PCDHGA4: variants seen among roughly 807,000 people sequenced by gnomAD.
PCDHGA4 encodes protocadherin gamma-A4.
PCDHGA4 carries 38 observed loss-of-function variants against 54.6 expected under a neutral mutation model. The observed-to-expected ratio is 0.70, with a 90% CI of 0.54 to 0.91. PCDHGA4 has a LOEUF of 0.91. Ranked by LOEUF, PCDHGA4 falls within the 40% of genes least tolerant of loss-of-function variation. PCDHGA4 has a pLI of 0.00. For synonymous variants in PCDHGA4, 511 were observed against 512.9 expected (o/e 1.00, Z 0.05); for missense variants, 1,298 against 1,220.9 (o/e 1.06, Z -0.94).
At position 141,494,693 on chromosome 5, in the gene PCDHGA4, G is replaced by A. The variant is rs2099756182; in HGVS notation, c.2515-114G>A. The A allele has an allele frequency of 5.0e-6, 8 of 1,585,786 alleles. No individual in the cohort carries two copies. In the South Asian group the frequency reaches 6.8e-5, roughly 13 times the overall value. ...GTCCACCCCTGCCCCCTCTTAGTCC[G>A]TTTTCTTCTCTGTGCCCACTCCCCT... is the stretch of plus-strand genomic sequence containing the variant. On this transcript the variant is annotated intron_variant, in intron 1 of 3. Transcript: ENST00000571252.
intron 1 of PCDHGA4, chr5:141,393,947 G>T: frequency 6.2e-7 from 1 of 1,613,972 alleles, no homozygotes; most frequent in Non-Finnish European, 8.5e-7. Context: ...ACTCTGGAAA[G>T]AATGGTCAAG....
chr5:141,485,314 T>G lies in PCDHGA4; in HGVS notation c.2515-9493T>G. Reference sequence around the variant, plus strand: ...CACAGGAAGGGACTTTTGTAGGGAATGTCGCTCAAGATTTCCTGCTGGATA... The same window carrying G: ...CACAGGAAGGGACTTTTGTAGGGAAGGTCGCTCAAGATTTCCTGCTGGATA... On this transcript the variant is annotated intron_variant, in intron 1 of 3. Coordinates refer to ENST00000571252, the MANE Select transcript of PCDHGA4 (RefSeq NM_018917.4). This position sits in a 1 kb window ranked among gnomAD's most constrained non-coding sequence, Gnocchi z 5.7. 1 of 1,614,150 alleles carries G rather than the reference T, an allele frequency of 6.2e-7. No individual in the cohort carries two copies. The highest frequency in any genetic ancestry group is 8.5e-7 in the Non-Finnish European group (1 of 1,180,032).
intron 1 of PCDHGA4, among the ~76,000 whole-genome samples, chr5:141,460,628 G>C (rs2098993821): frequency 6.6e-6 from 1 of 151,958 alleles, no homozygotes; most frequent in African/African-American, 2.4e-5. Flanking sequence ...GACAGATACA[G>C]ATATATAACT....
rs554661873 is a variant in PCDHGA4, at chr5:141,487,723, T to C, written c.2515-7084T>C. ...GCCTCTCAGTAAGTGCCCATAGTGATGTCACCATTTTTGTAAGAGGTAACT... is the reference window on the plus strand; with the variant it reads ...GCCTCTCAGTAAGTGCCCATAGTGACGTCACCATTTTTGTAAGAGGTAACT... On this transcript the variant is annotated intron_variant, in intron 1 of 3. Transcript: ENST00000571252. The surrounding 1 kb of genome is among the most constrained non-coding windows in gnomAD (Gnocchi z 5.0). The C allele has an allele frequency of 2.6e-5, 41 of 1,574,932 alleles. No homozygotes were observed. Among genetic ancestry groups the C allele is most frequent in the Non-Finnish European group, 5.2e-6 (6 of 1,158,382 alleles).
chr5:141,370,144 A>G (rs1427805269), intron 1 of PCDHGA4: 2 of 435,992 alleles, frequency 4.6e-6, no homozygotes, highest in Non-Finnish European at 4.0e-6. Flanking sequence ...TTTAGTCACC[A>G]TTACTGCAGT....
chr5:141,420,186 C>A, intron 1 of PCDHGA4: 1 of 1,613,696 alleles, frequency 6.2e-7, no homozygotes, highest in Non-Finnish European at 8.5e-7. Context: ...CATTGTCCAG[C>A]CACACAAGAT....
chr5:141,420,795 A>G (rs1046945975), intron 1 of PCDHGA4, among the ~76,000 whole-genome samples: 1 of 152,260 alleles, frequency 6.6e-6, no homozygotes, highest in Non-Finnish European at 1.5e-5. Flanking sequence ...AAAACTTTTT[A>G]AAAATTAAGC....
chr5:141,397,893 G>T (rs1442552386), intron 1 of PCDHGA4: 4 of 650,466 alleles, frequency 6.1e-6, no homozygotes, highest in African/African-American at 5.5e-5. Flanking sequence ...GTTGGCCAAA[G>T]TGCAGAGCTT....
intron 1 of PCDHGA4, among the ~76,000 whole-genome samples, chr5:141,387,190 T>C (rs2090856336): frequency 1.3e-5 from 2 of 152,124 alleles, no homozygotes; most frequent in African/African-American, 2.4e-5. Context: ...AAAAGGCAAT[T>C]TTGGTATTAC....
In PCDHGA4 at chr5:141,400,300, C is replaced by A. The variant is rs1267834290; in HGVS notation, c.2514+42679C>A. The stretch of plus-strand genomic sequence containing the variant: ...CCCTGCCGCCTGGAGCTGCTTCCAA[C>A]CTGGTCTCTGTGTCAAGTCTGGACC... On this transcript the variant is annotated intron_variant, in intron 1 of 3. Transcript: ENST00000571252. 6.8e-6 allele frequency: 11 copies of A among 1,613,966 alleles called. No individual in the cohort carries two copies. The African/African-American group carries it at 1.3e-4, about 20-fold the overall frequency.
At chr5:141,387,821 A>C (rs2091106896) in intron 1 of PCDHGA4, 3 of 1,577,920 alleles carry the variant, frequency 1.9e-6, no homozygotes, top group Non-Finnish European at 2.6e-6. Context: ...AAAATCTGCA[A>C]TACAGAGGTT....
Position 141,355,891 on chromosome 5 carries a change from A to G in PCDHGA4, c.784A>G (p.Ile262Val). Residue 262 changes from isoleucine to valine, a missense_variant, in exon 1 of 4, where the codon ATA becomes GTA. Coordinates refer to ENST00000571252, the MANE Select transcript of PCDHGA4 (RefSeq NM_018917.4). ...VRSGTARILI[I>V]LVDTNDNAPV... ...CTCTGGCACTGCCAGGATTCTCATAATACTTGTGGATACCAACGATAATGC... is the reference window on the plus strand; with the variant it reads ...CTCTGGCACTGCCAGGATTCTCATAGTACTTGTGGATACCAACGATAATGC... The G allele has an allele frequency of 1.2e-6, 2 of 1,613,550 alleles. No homozygotes were observed. Among genetic ancestry groups the G allele is most frequent in the Non-Finnish European group, 1.7e-6 (2 of 1,179,766 alleles).
At chr5:141,360,406 G>A in intron 1 of PCDHGA4, 1 of 1,613,978 alleles carries the variant, frequency 6.2e-7, no homozygotes. Context: ...TGACAGAATA[G>A]ACCGAGAACA....
Position 141,477,749 on chromosome 5 carries a change from C to T in PCDHGA4, c.2515-17058C>T. The stretch of plus-strand genomic sequence containing the variant: ...AGCTCATATCAGCGATGGGGGCACC[C>T]CGGTCCTAGCCACCAACATCAGCGT... On this transcript the variant is annotated intron_variant, in intron 1 of 3. Transcript: ENST00000571252. The surrounding 1 kb of genome is among the most constrained non-coding windows in gnomAD (Gnocchi z 4.9). 1 of 1,613,904 alleles carries T rather than the reference C, an allele frequency of 6.2e-7. No homozygotes were observed. Among genetic ancestry groups the T allele is most frequent in the Non-Finnish European group, 8.5e-7 (1 of 1,180,030 alleles).
rs762414791 is a variant in PCDHGA4 at position 141,418,601 on chromosome 5, A to G, written c.2514+60980A>G. The G allele has an allele frequency of 3.5e-5, 57 of 1,613,930 alleles. No individual in the cohort carries two copies. The highest frequency in any genetic ancestry group is 1.7e-6 in the Non-Finnish European group (2 of 1,179,902). On this transcript the variant is annotated intron_variant, in intron 1 of 3. Coordinates refer to ENST00000571252, the MANE Select transcript of PCDHGA4 (RefSeq NM_018917.4). ...CCCAGTGTTCAGCCAGGACGTGTAC[A>G]GGGTTAGCCTTCGGGAAGACGTGCC...
chr5:141,371,477 G>A (rs1027262154), intron 1 of PCDHGA4: 3 of 1,613,854 alleles, frequency 1.9e-6, no homozygotes, highest in Non-Finnish European at 2.5e-6. Flanking sequence ...AAGATGCTGA[G>A]CTGGGGACTG....
rs138608867 is a variant in PCDHGA4 at position 141,477,655 on chromosome 5, T to C, written c.2515-17152T>C. 5.0e-3 allele frequency: 8,034 copies of C among 1,614,186 alleles called. 44 individuals carry two copies. The highest frequency in any genetic ancestry group is 9.4e-3 in the Admixed American group (567 of 60,020). On this transcript the variant is annotated intron_variant, in intron 1 of 3. Coordinates refer to ENST00000571252, the MANE Select transcript of PCDHGA4 (RefSeq NM_018917.4). The surrounding 1 kb of genome is among the most constrained non-coding windows in gnomAD (Gnocchi z 4.9). ...TAGTGGGTCGCTATTTCACAATAAA[T>C]CGTGACAATGGCATAGTGTCATCCT...
chr5:141,394,380 G>A (rs867131974), intron 1 of PCDHGA4: 2 of 1,614,196 alleles, frequency 1.2e-6, no homozygotes, highest in Non-Finnish European at 1.7e-6. Context: ...TTTCGACTAT[G>A]AGCAGATCCG....
intron 1 of PCDHGA4, among the ~76,000 whole-genome samples, chr5:141,381,833 T>C (rs1385600494): frequency 7.2e-5 from 10 of 138,622 alleles, no homozygotes; most frequent in African/African-American, 2.5e-4. Context: ...CTTCTTTTTT[T>C]TTTTTTTTTT....
Sources: gnomAD v4.1 joint callset for allele counts (sites outside exome capture counted in the v4.1 genomes callset) on GRCh38, gnomAD v4.1.1 for gene constraint, Gnocchi (gnomAD v3.1) non-coding constraint, MANE v1.5 for transcripts, NCBI Gene and HGNC (gene_info 2026-07-23, HGNC 2026-07-21) for gene names.